DAB1: variants seen among roughly 807,000 people sequenced by gnomAD.
DAB1 encodes the protein DAB adaptor protein 1.
In DAB1, 15 loss-of-function variants were observed where a neutral mutation model predicts 64.6. The observed-to-expected ratio is 0.23, with a 90% CI of 0.16 to 0.36. The LOEUF (loss-of-function observed/expected upper bound fraction) is 0.36. Among genes scored for constraint, DAB1 ranks in the 10% least tolerant of loss-of-function variants. The pLI, the probability that DAB1 is intolerant of heterozygous loss-of-function variation, is 1.00. For missense variants in DAB1, 596 were observed against 706.7 expected, an observed-to-expected ratio of 0.84 and a Z score of 1.78; for synonymous variants, 235 against 251.9, an observed-to-expected ratio of 0.93 and a Z score of 0.64.
Position 57,125,727 on chromosome 1 carries a change from C to T in DAB1, c.306+10816G>A, listed in dbSNP as rs537974011. ...ACATTTTATGCAACCTTCTACTCAT[C>T]GACAAATTGAAAGAACCCTGAGAAG... On this transcript the variant is annotated intron_variant, in intron 4 of 14. Coordinates refer to ENST00000371236, the MANE Select transcript of DAB1 (RefSeq NM_001365792.1). Among the ~76,000 whole-genome samples the T allele has an allele frequency of 7.2e-5, 11 of 152,192 alleles. No individual in the cohort carries two copies. In the East Asian group the frequency reaches 1.2e-3, roughly 16 times the overall value.
chr1:58,269,121 G>A (rs1431820885), intron 4 of DAB1, among the ~76,000 whole-genome samples: 4 of 148,766 alleles, frequency 2.7e-5, no homozygotes, highest in South Asian at 2.2e-4. Flanking sequence ...CCACTAACTC[G>A]TCATCTAGCA....
chr1:57,228,384 G>A (rs991612451), intron 2 of DAB1, among the ~76,000 whole-genome samples: 1 of 152,010 alleles, frequency 6.6e-6, no homozygotes, highest in African/African-American at 2.4e-5. Context: ...AAACACATCA[G>A]TAAGAAAAAG....
intron 1 of DAB1, among the ~76,000 whole-genome samples, chr1:57,350,064 T>A (rs1678454347): frequency 6.6e-6 from 1 of 152,220 alleles, no homozygotes; most frequent in Non-Finnish European, 1.5e-5. Flanking sequence ...AGCCCAGGGT[T>A]CTTCCTACTA....
At chr1:57,843,905 G>C (rs150325819) in intron 1 of DAB1, among the ~76,000 whole-genome samples, 35 of 152,312 alleles carry the variant, frequency 2.3e-4, no homozygotes, top group African/African-American at 6.7e-4. Flanking sequence ...GTGGTATATA[G>C]AAAGAAGCAA....
At chr1:57,957,513 G>C (rs1223104042) in intron 5 of DAB1, among the ~76,000 whole-genome samples, 1 of 152,122 alleles carries the variant, frequency 6.6e-6, no homozygotes, top group Non-Finnish European at 1.5e-5. Flanking sequence ...AAAGGTTATT[G>C]GATATATACA....
At chr1:57,287,441 A>G (rs1279958426) in intron 2 of DAB1, among the ~76,000 whole-genome samples, 2 of 152,212 alleles carry the variant, frequency 1.3e-5, no homozygotes, top group Admixed American at 1.3e-4. Context: ...CAGGAACGAG[A>G]TAAGGACATT....
chr1:57,390,652 A>G (rs907276832), intron 1 of DAB1, among the ~76,000 whole-genome samples: 1 of 152,250 alleles, frequency 6.6e-6, no homozygotes, highest in African/African-American at 2.4e-5. Context: ...AAAGGGGCCT[A>G]TAAAGATGAA....
intron 5 of DAB1, among the ~76,000 whole-genome samples, chr1:57,990,862 C>T (rs1024438813): frequency 6.6e-6 from 1 of 152,188 alleles, no homozygotes; most frequent in Admixed American, 6.5e-5. Flanking sequence ...ACTGGGCACA[C>T]ACACAGTGTT....
At chr1:57,151,127 T>A (rs1659630807) in intron 2 of DAB1, among the ~76,000 whole-genome samples, 1 of 152,120 alleles carries the variant, frequency 6.6e-6, no homozygotes, top group Admixed American at 6.5e-5. Flanking sequence ...GGCAGACAAA[T>A]CATGAAGCAT....
intron 4 of DAB1, among the ~76,000 whole-genome samples, chr1:58,315,029 G>C (rs1017640567): frequency 2.6e-5 from 4 of 152,332 alleles, no homozygotes; most frequent in Middle Eastern, 3.4e-3. Context: ...AAATAGTGCT[G>C]CTCAAGGTGT....
At chr1:58,504,555 T>A (rs1379612909) in intron 3 of DAB1, among the ~76,000 whole-genome samples, 3 of 152,210 alleles carry the variant, frequency 2.0e-5, no homozygotes, top group Non-Finnish European at 4.4e-5. Flanking sequence ...GCATACTATA[T>A]GTTTGTTTCT....
chr1:57,776,261 C>A (rs1255999459), intron 6 of DAB1, among the ~76,000 whole-genome samples: 3 of 148,934 alleles, frequency 2.0e-5, no homozygotes, highest in Non-Finnish European at 4.5e-5. Context: ...GGATGTGGTA[C>A]CCATAAATAT....
intron 11 of DAB1, among the ~76,000 whole-genome samples, chr1:57,019,941 A>C (rs1032134584): frequency 2.0e-5 from 3 of 152,260 alleles, no homozygotes; most frequent in Non-Finnish European, 4.4e-5. Flanking sequence ...CTGAAATATA[A>C]GAAAAGCACT....
chr1:57,145,540 C>T lies in DAB1; in HGVS notation c.68-111G>A, dbSNP rs1457978544. 4.5e-6 allele frequency: 5 copies of T among 1,113,602 alleles called. No individual in the cohort carries two copies. In the African/African-American group the frequency reaches 6.2e-5, roughly 14 times the overall value. The allele number at this position is 1,113,602 out of a possible 1,614,324, so 69.0% of individuals were successfully genotyped here. A position where few individuals can be genotyped will look rare whatever the true frequency, so the allele number is the denominator to read the frequency against. On this transcript the variant is annotated intron_variant, in intron 2 of 14. Transcript: ENST00000371236. ...GGTTTCATCTACATTCCCGGAAAGT[C>T]AAATCACTGGACTCAGGAGAAAAGA...
chr1:57,212,359 C>CTATT (rs1666079847), intron 2 of DAB1, among the ~76,000 whole-genome samples: 1 of 82,176 alleles, frequency 1.2e-5, no homozygotes, highest in African/African-American at 4.9e-5. Context: ...ATATTATTTC[C>CTATT]TTTTTTTTTT....
chr1:57,391,197 C>T (rs897539149), intron 1 of DAB1, among the ~76,000 whole-genome samples: 1 of 152,122 alleles, frequency 6.6e-6, no homozygotes, highest in East Asian at 1.9e-4. Context: ...CATTTAATAA[C>T]CCAGTAGTAT....
intron 14 of DAB1, among the ~76,000 whole-genome samples, chr1:57,008,104 C>T (rs1646144950): frequency 6.6e-6 from 1 of 152,172 alleles, no homozygotes; most frequent in Non-Finnish European, 1.5e-5. Flanking sequence ...GATTACAGTC[C>T]AGCCCTCCTC....
At chr1:57,000,089 G>C (rs188724730) in intron 14 of DAB1, among the ~76,000 whole-genome samples, 1 of 146,122 alleles carries the variant, frequency 6.8e-6, no homozygotes, top group African/African-American at 2.5e-5. Context: ...TGTCGCCCAG[G>C]CTAGAGTGCA....
intron 7 of DAB1, among the ~76,000 whole-genome samples, chr1:57,574,410 CACT>C: frequency 6.6e-6 from 1 of 152,272 alleles, no homozygotes; most frequent in African/African-American, 2.4e-5. Context: ...ATTGAATTTC[CACT>C]TTGTGCCAAG....
Sources: gnomAD v4.1 joint callset for allele counts (sites outside exome capture counted in the v4.1 genomes callset) on GRCh38, gnomAD v4.1.1 for gene constraint, MANE v1.5 for transcripts, NCBI Gene and HGNC (gene_info 2026-07-23, HGNC 2026-07-21) for gene names.